Variants in BPIFB1 observed in about 807,000 individuals in gnomAD.
The protein encoded by BPIFB1 is BPI fold-containing family B member 1.
Under a neutral mutation model 55.1 loss-of-function variants are expected in BPIFB1, and 34 were observed. That is an observed-to-expected ratio of 0.62 (90% CI 0.47 to 0.82). The LOEUF is 0.82. BPIFB1 is among the 40% of genes least tolerant of loss of function. The pLI is 0.00. For synonymous variants in BPIFB1, 236 were observed against 245.3 expected (o/e 0.96, Z 0.35); for missense variants, 532 against 593.1 (o/e 0.90, Z 1.07).
At chr20:33,291,593 G>A (rs570152439) in intron 5 of BPIFB1, among the ~76,000 whole-genome samples, 14 of 152,328 alleles carry the variant, frequency 9.2e-5, no homozygotes, top group South Asian at 8.3e-4. Flanking sequence ...AACAGTGCAC[G>A]CGCATGGTGG....
chr20:33,285,927 A>G, intron 1 of BPIFB1, 106 bp from the exon 2 acceptor site: 1 of 665,100 alleles, frequency 1.5e-6, no homozygotes, highest in South Asian at 1.8e-5. Flanking sequence ...CCAGGCAGTT[A>G]AACACTGCAC....
At chr20:33,296,105 G>A (rs1264133832) in intron 6 of BPIFB1, among the ~76,000 whole-genome samples, 4 of 152,160 alleles carry the variant, frequency 2.6e-5, no homozygotes, top group Non-Finnish European at 4.4e-5. Context: ...TAATGGCTAG[G>A]CCCTACCCCA....
At chr20:33,306,197 C>T in intron 14 of BPIFB1, 132 bp downstream of exon 14, 2 of 1,016,440 alleles carry the variant, frequency 2.0e-6, no homozygotes, top group Non-Finnish European at 3.1e-6. Flanking sequence ...CAAAATCTGC[C>T]TCCTCCCAAG....
intron 1 of BPIFB1, among the ~76,000 whole-genome samples, chr20:33,285,438 G>C (rs1377445351): frequency 6.6e-6 from 1 of 152,068 alleles, no homozygotes; most frequent in African/African-American, 2.4e-5. Flanking sequence ...TACAGGCTGG[G>C]CGCGGTGGCT....
rs369758696 is a variant in BPIFB1 at position 33,304,875 on chromosome 20, G to A, written c.1238G>A (p.Gly413Glu). ...GATCGGATCCAGCTGATGAACTCTGGGATTGGCTGGTTCCAAGTAAGTGTT... is the reference window on the plus strand; with the variant it reads ...GATCGGATCCAGCTGATGAACTCTGAGATTGGCTGGTTCCAAGTAAGTGTT... ...SSDRIQLMNSGIGWFQPDVLK... is the reference protein window; with the variant it reads ...SSDRIQLMNSEIGWFQPDVLK... Residue 413 changes from glycine to glutamate, a missense_variant, in exon 13 of 16, where the codon GGG becomes GAG. By Grantham distance (98) the Gly-to-Glu change is moderately conservative. Coordinates refer to ENST00000253354, the MANE Select transcript of BPIFB1 (RefSeq NM_033197.3). 1.4e-5 allele frequency: 23 copies of A among 1,614,166 alleles called. No individual in the cohort carries two copies. Among genetic ancestry groups the A allele is most frequent in the Non-Finnish European group, 1.9e-5 (22 of 1,180,030 alleles).
chr20:33,292,789 A>T (rs1980516198), intron 6 of BPIFB1, among the ~76,000 whole-genome samples: 1 of 152,248 alleles, frequency 6.6e-6, no homozygotes, highest in Non-Finnish European at 1.5e-5. Context: ...AATTGAATTC[A>T]TCCACATTAA....
intron 14 of BPIFB1, among the ~76,000 whole-genome samples, chr20:33,306,357 C>T (rs150579092): frequency 3.2e-4 from 48 of 152,308 alleles, no homozygotes; most frequent in African/African-American, 8.2e-4. Context: ...CAACTGGAGG[C>T]GCCTCAGCAG....
At chr20:33,301,017 A>G (rs1298260157) in intron 8 of BPIFB1, among the ~76,000 whole-genome samples, 1 of 152,208 alleles carries the variant, frequency 6.6e-6, no homozygotes, top group Non-Finnish European at 1.5e-5. Flanking sequence ...CATGGGAAAA[A>G]AAACGAAGAT....
chr20:33,306,847 C>G (rs370964785), intron 14 of BPIFB1, 64 bp from the exon 15 acceptor site: 1 of 1,403,310 alleles, frequency 7.1e-7, no homozygotes, highest in African/African-American at 1.4e-5. Context: ...GAACCCTGAG[C>G]CTGCCCCTGG....
intron 7 of BPIFB1, among the ~76,000 whole-genome samples, chr20:33,299,464 T>C (rs980923915): frequency 1.3e-5 from 2 of 152,224 alleles, no homozygotes; most frequent in Non-Finnish European, 2.9e-5. Flanking sequence ...CAGAACCACC[T>C]GCATGGGGGA....
At chr20:33,283,426 T>C (rs1002015928) in intron 1 of BPIFB1, among the ~76,000 whole-genome samples, 172 bp downstream of exon 1, 1 of 152,106 alleles carries the variant, frequency 6.6e-6, no homozygotes, top group African/African-American at 2.4e-5. Flanking sequence ...CCCAGCTCCC[T>C]CGCCCAGAGG....
At chr20:33,308,016 A>C (rs1283212777) in intron 15 of BPIFB1, 1 of 152,222 alleles carries the variant, frequency 6.6e-6, no homozygotes, top group Admixed American at 6.5e-5. Flanking sequence ...TACAGGAAAC[A>C]CGATGCTGGC....
chr20:33,303,898 C>A, intron 11 of BPIFB1, 60 bp from the exon 12 acceptor site: 1 of 1,557,524 alleles, frequency 6.4e-7, no homozygotes, highest in Non-Finnish European at 8.8e-7. Context: ...CCTGCATAAC[C>A]CCTAATTCCA....
At chr20:33,301,945 G>C (rs1234316492) in intron 9 of BPIFB1, among the ~76,000 whole-genome samples, 1 of 152,132 alleles carries the variant, frequency 6.6e-6, no homozygotes, top group Non-Finnish European at 1.5e-5. Flanking sequence ...AGGGGGAAAG[G>C]GTTGGTCCAA....
intron 6 of BPIFB1, among the ~76,000 whole-genome samples, chr20:33,295,869 G>T (rs1483121986): frequency 1.5e-5 from 2 of 133,608 alleles, no homozygotes; most frequent in Non-Finnish European, 3.2e-5. Context: ...AAGGAAGGAA[G>T]GGGATTGGGA....
intron 7 of BPIFB1, chr20:33,299,348 G>C (rs113965652): frequency 2.4e-5 from 8 of 334,314 alleles, no homozygotes; most frequent in Admixed American, 6.9e-5. Flanking sequence ...CGAGATCTTT[G>C]GGGGGAGCAG....
chr20:33,289,824 G>C, intron 3 of BPIFB1, 61 bp from the exon 4 acceptor site: 1 of 1,463,788 alleles, frequency 6.8e-7, no homozygotes, highest in African/African-American at 1.4e-5. Context: ...GATAGAGAGG[G>C]AGTGGATTTG....
chr20:33,299,058 C>T (rs900894652), intron 7 of BPIFB1: 17 of 432,494 alleles, frequency 3.9e-5, no homozygotes, highest in African/African-American at 3.1e-4. Flanking sequence ...TCTCTATGTC[C>T]TTCCGATTTT....
Position 33,286,185 on chromosome 20 carries a change from G to C in BPIFB1, c.112G>C (p.Glu38Gln). 6.2e-7 allele frequency: 1 copy of C among 1,614,172 alleles called. No homozygotes were observed. The highest frequency in any genetic ancestry group is 1.1e-5 in the South Asian group (1 of 91,078). The part of the protein sequence containing the change: ...VLILGPKVIK[E>Q]KLTQELKDHN... ...CATCCTCGGCCCAAAAGTCATCAAA[G>C]AAAGTAAGTTTTGTCCCTCCGGAGC... Residue 38 changes from glutamate (E) to glutamine (Q), a missense_variant, in exon 2 of 16, where the codon GAA becomes CAA. By Grantham distance (29) the Glu-to-Gln change is conservative. Transcript: ENST00000253354.
Sources: allele counts gnomAD v4.1 joint callset (sites outside exome capture counted in the v4.1 genomes callset), GRCh38; gene constraint gnomAD v4.1.1; transcripts MANE v1.5; gene names NCBI Gene and HGNC (gene_info 2026-07-23, HGNC 2026-07-21).